Variants in CFHR1 observed in about 807,000 individuals in gnomAD.
CFHR1 encodes the protein complement factor H-related protein 1.
CFHR1 carries 22 observed loss-of-function variants against 30.4 expected under a neutral mutation model. The ratio of observed to expected loss-of-function variants is 0.72; its 90% CI spans 0.52 to 1.03. The LOEUF (loss-of-function observed/expected upper bound fraction) is 1.03, where lower values mean the gene tolerates loss of function less well. Ranked by LOEUF, CFHR1 falls within the 50% of genes least tolerant of loss-of-function variation. The pLI, the probability that CFHR1 is intolerant of heterozygous loss-of-function variation, is 0.00. For synonymous variants in CFHR1, 95 were observed against 129.1 expected (o/e 0.74, Z 1.79); for missense variants, 248 against 380.6 (o/e 0.65, Z 2.90).
intron 1 of CFHR1, among the ~76,000 whole-genome samples, chr1:196,823,018 C>T (rs1655175668): frequency 1.5e-5 from 2 of 131,940 alleles, no homozygotes; most frequent in East Asian, 2.0e-4. Context: ...TCTTATGGGT[C>T]CACTGTCATA....
chr1:196,831,863 A>G lies in CFHR1; in HGVS notation c.857A>G (p.Gln286Arg). 2.0e-6 allele frequency: 3 copies of G among 1,525,662 alleles called. No homozygotes were observed. The highest frequency in any genetic ancestry group is 2.7e-6 in the Non-Finnish European group (3 of 1,129,500). The allele number at this position is 1,525,662 out of a possible 1,614,324, so 94.5% of individuals were successfully genotyped here. ...ATAGCATTAAGGTGGACAGCCAAAC[A>G]GAAGCTTTATTTGAGAACAGGTGAA... ...YNIALRWTAKQKLYLRTGESA... is the reference protein window; with the variant it reads ...YNIALRWTAKRKLYLRTGESA... Residue 286 changes from glutamine (Q) to arginine (R), a missense_variant, in exon 6 of 6, where the codon CAG (glutamine) becomes CGG (arginine). Physicochemically the swap from Gln to Arg is conservative, Grantham distance 43 (BLOSUM62 1). Coordinates refer to ENST00000320493, the MANE Select transcript of CFHR1 (RefSeq NM_002113.3).
In CFHR1 at chr1:196,826,843, C is replaced by T; in HGVS notation, c.268C>T (p.Pro90Ser). 4 of 1,524,548 alleles carry T rather than the reference C, an allele frequency of 2.6e-6. 1 individual carries two copies. Among genetic ancestry groups the T allele is most frequent in the East Asian group, 2.2e-5 (1 of 44,616 alleles). 94.4% of individuals were successfully genotyped at this position (1,524,548 alleles called of 1,614,324 possible). A position where few individuals can be genotyped will look rare whatever the true frequency, so the allele number is the denominator to read the frequency against. The change falls in exon 3 of 6, where the codon CCT (proline) becomes TCT (serine). Residue 90 changes from proline (P) to serine (S), a missense_variant. Around this residue, in one of 3 missense-constraint regions of CFHR1, gnomAD observed 121 missense variants for 162.6 expected, o/e 0.74. Coordinates refer to ENST00000320493, the MANE Select transcript of CFHR1 (RefSeq NM_002113.3). ...TPKCLRLCFF[P>S]FVENGHSESS... The stretch of plus-strand genomic sequence containing the variant: ...TTGGTCCTTAGGACTGTGTTTCTTT[C>T]CTTTTGTGGAAAATGGTCATTCTGA...
chr1:196,825,097 A>G (rs1359269290), intron 1 of CFHR1: 1 of 145,736 alleles, frequency 6.9e-6, no homozygotes, highest in South Asian at 1.9e-4. Flanking sequence ...AAAATAAGTA[A>G]ATTGAGAGCT....
chr1:196,826,979 C>T lies in CFHR1; in HGVS notation c.404C>T (p.Ser135Phe). The change falls in exon 3 of 6, where the codon TCC becomes TTC. Residue 135 changes from serine to phenylalanine, a missense_variant. Ser to Phe is a radical substitution (Grantham distance 155). This residue lies in a region of CFHR1 where 121 missense variants were observed against 162.6 expected (regional missense o/e 0.74). Coordinates refer to ENST00000320493, the MANE Select transcript of CFHR1 (RefSeq NM_002113.3). The stretch of plus-strand genomic sequence containing the variant: ...ATTTCATGTGTAGAACGGGGCTGGT[C>T]CACCCCTCCCAAATGCAGGTCCACT... ...NNISCVERGW[S>F]TPPKCRSTDT... The T allele has an allele frequency of 1.3e-6, 2 of 1,523,128 alleles. No individual in the cohort carries two copies. The highest frequency in any genetic ancestry group is 1.8e-6 in the Non-Finnish European group (2 of 1,128,634). 94.4% of individuals were successfully genotyped at this position (1,523,128 alleles called of 1,614,324 possible). A position where few individuals can be genotyped will look rare whatever the true frequency, so the allele number is the denominator to read the frequency against.
At position 196,822,794 on chromosome 1, in the gene CFHR1, T is replaced by A. The variant is rs1274786277; in HGVS notation, c.59-2683T>A. Among the ~76,000 whole-genome samples the A allele has an allele frequency of 4.4e-5, 6 of 134,840 alleles. 1 individual carries two copies. Among genetic ancestry groups the A allele is most frequent in the Non-Finnish European group, 9.3e-5 (6 of 64,292 alleles). The allele number at this position is 134,840 out of a possible 152,430, so 88.5% of individuals were successfully genotyped here. A position where few individuals can be genotyped will look rare whatever the true frequency, so the allele number is the denominator to read the frequency against. Reference sequence around the variant, plus strand: ...GTTAACTATAAAATACTAATAACAATTATACTATATGAAATACATTAACCA... The same window carrying A: ...GTTAACTATAAAATACTAATAACAAATATACTATATGAAATACATTAACCA... On this transcript the variant is annotated intron_variant, in intron 1 of 5. Transcript: ENST00000320493.
In CFHR1 at chr1:196,820,601, G is replaced by A. The variant is rs1194088300; in HGVS notation, c.58+699G>A. On this transcript the variant is annotated intron_variant, in intron 1 of 5. Coordinates refer to ENST00000320493, the MANE Select transcript of CFHR1 (RefSeq NM_002113.3). ...AATTGCAAACAAAATCTCTACCAAG[G>A]TCTAGGATACTAATTAAACTATGTC... 2.4e-5 allele frequency among the ~76,000 whole-genome samples: 3 copies of A among 124,646 alleles called. 1 individual carries two copies. The highest frequency in any genetic ancestry group is 4.9e-5 in the Non-Finnish European group (3 of 61,028). The allele number at this position is 124,646 out of a possible 152,430, so 81.8% of individuals were successfully genotyped here. A position where few individuals can be genotyped will look rare whatever the true frequency, so the allele number is the denominator to read the frequency against.
At chr1:196,827,404 G>C (rs1246186695) in intron 3 of CFHR1, among the ~76,000 whole-genome samples, 1 of 135,242 alleles carries the variant, frequency 7.4e-6, no homozygotes, top group Non-Finnish European at 1.6e-5. Context: ...ACATGGACCT[G>C]AAACTCTCTG....
Position 196,822,560 on chromosome 1 carries a change from C to G in CFHR1, c.58+2658C>G, listed in dbSNP as rs527754897. ...TGTTAAAAACAGACACAAACACACACATTAACCTCGGCCTACAAAGAGTCA... is the reference window on the plus strand; with the variant it reads ...TGTTAAAAACAGACACAAACACACAGATTAACCTCGGCCTACAAAGAGTCA... On this transcript the variant is annotated intron_variant, in intron 1 of 5. Coordinates refer to ENST00000320493, the MANE Select transcript of CFHR1 (RefSeq NM_002113.3). Among the ~76,000 whole-genome samples, 3 of 133,132 alleles carry G rather than the reference C, an allele frequency of 2.3e-5. 1 individual carries two copies. The highest frequency in any genetic ancestry group is 9.8e-5 in the African/African-American group (3 of 30,564). 87.3% of individuals were successfully genotyped at this position (133,132 alleles called of 152,430 possible).
chr1:196,823,882 G>A (rs1229467878), intron 1 of CFHR1, among the ~76,000 whole-genome samples: 1 of 134,382 alleles, frequency 7.4e-6, no homozygotes, highest in Non-Finnish European at 1.6e-5. Context: ...GCTTATGCAT[G>A]TGGTAGGGAA....
chr1:196,823,961 A>C (rs758209218), intron 1 of CFHR1, among the ~76,000 whole-genome samples: 1 of 134,630 alleles, frequency 7.4e-6, no homozygotes, highest in Non-Finnish European at 1.6e-5. Flanking sequence ...TAAATAAAGT[A>C]TAAAGTCTAA....
In CFHR1 at chr1:196,826,744, C is replaced by A; in HGVS notation, c.254-85C>A. The A allele has an allele frequency of 1.6e-6, 2 of 1,267,188 alleles. 1 individual carries two copies. The highest frequency in any genetic ancestry group is 3.7e-5 in the Admixed American group (2 of 53,370). 78.5% of individuals were successfully genotyped at this position (1,267,188 alleles called of 1,614,324 possible). On this transcript the variant is annotated intron_variant, in intron 2 of 5. Coordinates refer to ENST00000320493, the MANE Select transcript of CFHR1 (RefSeq NM_002113.3). ...AGATTACCAGAGTGAGCCACTTCAC[C>A]CGGTTTATTAAAATATTTTAAAATG...
intron 4 of CFHR1, among the ~76,000 whole-genome samples, chr1:196,829,875 C>T (rs1655475683): frequency 7.5e-6 from 1 of 134,194 alleles, no homozygotes; most frequent in East Asian, 2.0e-4. Context: ...TTTATTTATT[C>T]ATTTTTCCAG....
Position 196,831,728 on chromosome 1 carries a change from G to C in CFHR1, c.791-69G>C. On this transcript the variant is annotated intron_variant, in intron 5 of 5. Coordinates refer to ENST00000320493, the MANE Select transcript of CFHR1 (RefSeq NM_002113.3). ...TGAACCATCATATAACATTCTACTT[G>C]AAAACCTGAAAGTCTATGAAGATTT... 2 of 1,424,514 alleles carry C rather than the reference G, an allele frequency of 1.4e-6. 1 individual carries two copies. 88.2% of individuals were successfully genotyped at this position (1,424,514 alleles called of 1,614,324 possible). A position where few individuals can be genotyped will look rare whatever the true frequency, so the allele number is the denominator to read the frequency against.
chr1:196,828,943 C>G (rs1236628159), intron 4 of CFHR1, among the ~76,000 whole-genome samples: 4 of 132,900 alleles, frequency 3.0e-5, no homozygotes, highest in Non-Finnish European at 6.3e-5. Context: ...ACCAATTACA[C>G]TTAACATAAT....
chr1:196,824,204 G>T, intron 1 of CFHR1, among the ~76,000 whole-genome samples: 1 of 134,104 alleles, frequency 7.5e-6, no homozygotes, highest in East Asian at 2.0e-4. Context: ...AGAGAGAATG[G>T]TGTAGTATTT....
chr1:196,830,546 C>T lies in CFHR1; in HGVS notation c.654C>T (p.Asp218=), dbSNP rs141553120. The change falls in exon 5 of 6, where the codon GAC becomes GAT. Residue 218 remains aspartate (D), a synonymous_variant. Transcript: ENST00000320493. ...CCCCTCCACCTATTGACAATGGGGA[C>T]ATTACTTCATTCCCGTTGTCAGTAT... ...CGPPPPIDNG[D]ITSFPLSVYA... is the part of the protein sequence containing the mutation. 6 of 1,525,006 alleles carry T rather than the reference C, an allele frequency of 3.9e-6. 1 individual carries two copies. The African/African-American group carries it at 1.0e-4, about 26-fold the overall frequency. The allele number at this position is 1,525,006 out of a possible 1,614,324, so 94.5% of individuals were successfully genotyped here. A position where few individuals can be genotyped will look rare whatever the true frequency, so the allele number is the denominator to read the frequency against.
Position 196,823,492 on chromosome 1 carries a change from C to T in CFHR1, c.59-1985C>T, listed in dbSNP as rs1401822922. Among the ~76,000 whole-genome samples the T allele has an allele frequency of 3.7e-5, 5 of 134,224 alleles. 2 individuals carry two copies. The highest frequency in any genetic ancestry group is 1.6e-4 in the African/African-American group (5 of 31,230). The allele number at this position is 134,224 out of a possible 152,430, so 88.1% of individuals were successfully genotyped here. A position where few individuals can be genotyped will look rare whatever the true frequency, so the allele number is the denominator to read the frequency against. On this transcript the variant is annotated intron_variant, in intron 1 of 5. Transcript: ENST00000320493. ...GGAGTCTTTCCCTCAACACCTTTAC[C>T]AAAACTATCTAATGTCAAATTTTAA... is the stretch of plus-strand genomic sequence containing the variant.
rs1558215733 is a variant in CFHR1, at chr1:196,830,543, G to A, written c.651G>A (p.Gly217=). 3 of 1,524,938 alleles carry A rather than the reference G, an allele frequency of 2.0e-6. No individual in the cohort carries two copies. The highest frequency in any genetic ancestry group is 2.7e-6 in the Non-Finnish European group (3 of 1,129,270). The allele number at this position is 1,524,938 out of a possible 1,614,324, so 94.5% of individuals were successfully genotyped here. A position where few individuals can be genotyped will look rare whatever the true frequency, so the allele number is the denominator to read the frequency against. Reference sequence around the variant, plus strand: ...GGCCCCCTCCACCTATTGACAATGGGGACATTACTTCATTCCCGTTGTCAG... The same window carrying A: ...GGCCCCCTCCACCTATTGACAATGGAGACATTACTTCATTCCCGTTGTCAG... ...KCGPPPPIDN[G]DITSFPLSVY... is the part of the protein sequence containing the mutation. Residue 217 remains glycine, a synonymous_variant, in exon 5 of 6, where the codon GGG becomes GGA. Transcript: ENST00000320493.
rs1254190007 is a variant in CFHR1 at position 196,828,209 on chromosome 1, T to C, written c.570T>C (p.Cys190=). Residue 190 remains cysteine, a synonymous_variant, in exon 4 of 6, where the codon TGT becomes TGC. Coordinates refer to ENST00000320493, the MANE Select transcript of CFHR1 (RefSeq NM_002113.3). ...YEMFGDEEVM[C]LNGNWTEPPQ... is the part of the protein sequence containing the mutation. ...TGTTTGGGGATGAAGAAGTGATGTGTTTAAATGGAAACTGGACAGAACCAC... is the reference window on the plus strand; with the variant it reads ...TGTTTGGGGATGAAGAAGTGATGTGCTTAAATGGAAACTGGACAGAACCAC... The C allele has an allele frequency of 1.6e-6, 2 of 1,238,230 alleles. No homozygotes were observed. The highest frequency in any genetic ancestry group is 1.1e-6 in the Non-Finnish European group (1 of 921,966). 76.7% of individuals were successfully genotyped at this position (1,238,230 alleles called of 1,614,324 possible).
Sources: gnomAD v4.1 joint callset for allele counts (sites outside exome capture counted in the v4.1 genomes callset) on GRCh38, gnomAD v4.1.1 for gene constraint, gnomAD v4.1.1 regional missense constraint, MANE v1.5 for transcripts, NCBI Gene and HGNC (gene_info 2026-07-23, HGNC 2026-07-21) for gene names.